The following SLC38A12 variants were observed in gnomAD, a reference collection of about 807,000 sequenced individuals.
The protein encoded by SLC38A12 is putative sodium-coupled neutral amino acid transporter 12.
the SLC38A12 span, chr17:74,790,336 G>T: frequency 6.4e-7 from 1 of 1,573,196 alleles, no homozygotes; most frequent in Non-Finnish European, 8.7e-7. Flanking sequence ...CTTCCCTCCG[G>T]GCCACAGGGT....
At chr17:74,837,055 C>T in the SLC38A12 span, 21 of 1,041,438 alleles carry the variant, frequency 2.0e-5, no homozygotes, top group African/African-American at 3.5e-4. Flanking sequence ...CTGGCACTGC[C>T]ATCATTTGTC....
At chr17:74,832,482 G>A in the SLC38A12 span, among the ~76,000 whole-genome samples, 2 of 152,210 alleles carry the variant, frequency 1.3e-5, no homozygotes, top group Non-Finnish European at 2.9e-5. Context: ...CCTGTTTTGG[G>A]GGCGTGGCTC....
the SLC38A12 span, chr17:74,836,417 G>T: frequency 4.3e-6 from 7 of 1,610,000 alleles, no homozygotes; most frequent in Non-Finnish European, 5.1e-6. This position sits in a 1 kb window ranked among gnomAD's most constrained non-coding sequence, Gnocchi z 4.2. Flanking sequence ...CCCTGGTGCC[G>T]CCTGTGCTGG....
the SLC38A12 span, chr17:74,777,442 T>A: frequency 6.2e-7 from 1 of 1,608,570 alleles, no homozygotes; most frequent in Non-Finnish European, 8.5e-7. Context: ...GCACATTGCT[T>A]GCTGGAGATG....
At chr17:74,828,862 G>A in the SLC38A12 span, among the ~76,000 whole-genome samples, 11 of 152,214 alleles carry the variant, frequency 7.2e-5, no homozygotes, top group South Asian at 2.3e-3. Context: ...GCAGGAGGGG[G>A]AAATCTTTCA....
At chr17:74,820,624 G>A in the SLC38A12 span, among the ~76,000 whole-genome samples, 1 of 152,186 alleles carries the variant, frequency 6.6e-6, no homozygotes, top group South Asian at 2.1e-4. Flanking sequence ...AAAGAAGGCT[G>A]TTGCTGTTCT....
chr17:74,795,931 C>T, the SLC38A12 span, among the ~76,000 whole-genome samples: 1 of 152,184 alleles, frequency 6.6e-6, no homozygotes, highest in Non-Finnish European at 1.5e-5. Flanking sequence ...ATTCTAGGGC[C>T]GACCTCAGCA....
chr17:74,807,296 CTCATTGTGAGCTCCTT>C, the SLC38A12 span, among the ~76,000 whole-genome samples: 6 of 152,256 alleles, frequency 3.9e-5, no homozygotes, highest in Non-Finnish European at 1.5e-5. Context: ...GTTCCTTGAC[CTCATTGTGAGCTCCTT>C]CAGGGCACGG....
chr17:74,824,307 G>A, the SLC38A12 span, among the ~76,000 whole-genome samples: 1 of 152,168 alleles, frequency 6.6e-6, no homozygotes, highest in African/African-American at 2.4e-5. Context: ...CAGAGGGGCA[G>A]GGGCTCTAGC....
At chr17:74,836,543 C>T in the SLC38A12 span, 3,943 of 1,613,260 alleles carry the variant, frequency 2.4e-3, 6 homozygotes, top group Non-Finnish European at 3.0e-3. The surrounding 1 kb of genome is among the most constrained non-coding windows in gnomAD (Gnocchi z 4.2). Flanking sequence ...GCAGGGACAC[C>T]CAGCTGGCCT....
the SLC38A12 span, among the ~76,000 whole-genome samples, chr17:74,791,663 C>A: frequency 2.6e-4 from 40 of 152,320 alleles, 1 homozygote; most frequent in South Asian, 2.5e-3. Flanking sequence ...CGGCAGAGGG[C>A]GCTAGGAGCC....
the SLC38A12 span, among the ~76,000 whole-genome samples, chr17:74,797,492 A>T: frequency 6.6e-6 from 1 of 152,106 alleles, no homozygotes; most frequent in African/African-American, 2.4e-5. Flanking sequence ...TCCTTCCCCC[A>T]TAGCCCAGTC....
chr17:74,839,313 A>C, the SLC38A12 span: 3 of 840,366 alleles, frequency 3.6e-6, no homozygotes, highest in African/African-American at 5.2e-5. Context: ...CAAAGGCCAG[A>C]GTCAGAGTGG....
chr17:74,804,474 C>T, the SLC38A12 span, among the ~76,000 whole-genome samples: 1 of 152,296 alleles, frequency 6.6e-6, no homozygotes, highest in South Asian at 2.1e-4. Flanking sequence ...CTATGATGGC[C>T]CTTACACAGA....
At chr17:74,776,737 T>C in the SLC38A12 span, among the ~76,000 whole-genome samples, 1 of 151,260 alleles carries the variant, frequency 6.6e-6, no homozygotes, top group Non-Finnish European at 1.5e-5. Context: ...GCTTTGAGGG[T>C]GGGGAACCCT....
At chr17:74,786,697 A>G in the SLC38A12 span, among the ~76,000 whole-genome samples, 1 of 152,234 alleles carries the variant, frequency 6.6e-6, no homozygotes, top group African/African-American at 2.4e-5. Flanking sequence ...ACTAAGACGT[A>G]CAGGAAGCTG....
chr17:74,795,962 G>A, the SLC38A12 span, among the ~76,000 whole-genome samples: 23 of 152,260 alleles, frequency 1.5e-4, no homozygotes, highest in East Asian at 1.2e-3. Context: ...AGAGTGACAC[G>A]TCTCATTTTT....
chr17:74,795,234 T>C, the SLC38A12 span: 1 of 817,284 alleles, frequency 1.2e-6, no homozygotes, highest in East Asian at 2.5e-5. Flanking sequence ...GGAATGCAGA[T>C]GCCCAGGCCC....
At chr17:74,835,719 A>T in the SLC38A12 span, among the ~76,000 whole-genome samples, 2 of 152,164 alleles carry the variant, frequency 1.3e-5, no homozygotes, top group Non-Finnish European at 2.9e-5. Context: ...CTCAGCAGGG[A>T]GAGGGGAGAA....
Sources: gnomAD v4.1 joint callset for allele counts (sites outside exome capture counted in the v4.1 genomes callset) on GRCh38, gnomAD v4.1.1 for gene constraint, Gnocchi (gnomAD v3.1) non-coding constraint, MANE v1.5 for transcripts, NCBI Gene and HGNC (gene_info 2026-07-23, HGNC 2026-07-21) for gene names.